Variants in EPHA7 observed in about 807,000 individuals in gnomAD.
EPHA7 encodes ephrin type-A receptor 7.
A neutral mutation model predicts 112.6 loss-of-function variants in EPHA7; 25 were observed. That is an observed-to-expected ratio of 0.22 (90% confidence interval 0.16 to 0.31). EPHA7 has a LOEUF of 0.31. Among genes scored for constraint, EPHA7 ranks in the 10% least tolerant of loss-of-function variants. The pLI, the probability that EPHA7 is intolerant of heterozygous loss-of-function variation, is 1.00. For synonymous variants in EPHA7, 437 were observed against 406.5 expected (o/e 1.07, Z -0.90); for missense variants, 962 against 1,212.6 (o/e 0.79, Z 3.07).
In EPHA7 at chr6:93,259,441, T is replaced by G. The variant is rs1282784862; in HGVS notation, c.1837A>C (p.Thr613Pro). 11 of 1,611,794 alleles carry G rather than the reference T, an allele frequency of 6.8e-6. No homozygotes were observed. The highest frequency in any genetic ancestry group is 9.3e-6 in the Non-Finnish European group (11 of 1,178,454). The change falls in exon 10 of 17, where the codon ACC becomes CCC. Residue 613 changes from threonine (T) to proline (P), a missense_variant. Around this residue, in one of 3 missense-constraint regions of EPHA7, gnomAD observed 746 missense variants for 889.2 expected, o/e 0.84. Transcript: ENST00000369303. ...PGTKTYIDPE[T>P]YEDPNRAVHQ... Reference sequence around the variant, plus strand: ...ACAGCTCTATTTGGGTCCTCATAGGTTTCAGGGTCAATGTAGGTTTTGGTG... The same window carrying G: ...ACAGCTCTATTTGGGTCCTCATAGGGTTCAGGGTCAATGTAGGTTTTGGTG...
At chr6:93,360,742 A>C (rs1776222071) in intron 3 of EPHA7, among the ~76,000 whole-genome samples, 1 of 152,112 alleles carries the variant, frequency 6.6e-6, no homozygotes, top group Non-Finnish European at 1.5e-5. Flanking sequence ...AATTACGTTG[A>C]ATTTTGTTAC....
rs1771931994 is a variant in EPHA7, at chr6:93,284,134, C to CA, written c.1325-11713dup. Among the ~76,000 whole-genome samples the CA allele has an allele frequency of 2.0e-5, 3 of 152,070 alleles. No individual in the cohort carries two copies. In the South Asian group the frequency reaches 6.2e-4, roughly 32 times the overall value. Reference sequence around the variant, plus strand: ...ATTATATTTTGGCTGCTATCAGTACCATAGTTGTTTCTATTTTATTCTATC... The same window carrying CA: ...ATTATATTTTGGCTGCTATCAGTACCAATAGTTGTTTCTATTTTATTCTATC... On this transcript the variant is annotated intron_variant, in intron 5 of 16. Coordinates refer to ENST00000369303, the MANE Select transcript of EPHA7 (RefSeq NM_004440.4).
At chr6:93,389,320 C>A (rs1312792987) in intron 3 of EPHA7, among the ~76,000 whole-genome samples, 2 of 152,028 alleles carry the variant, frequency 1.3e-5, no homozygotes, top group Non-Finnish European at 2.9e-5. Flanking sequence ...GTTCCATACA[C>A]AACCTCTTGA....
intron 3 of EPHA7, among the ~76,000 whole-genome samples, chr6:93,369,291 C>T (rs1776666818): frequency 6.6e-6 from 1 of 151,790 alleles, no homozygotes; most frequent in Admixed American, 6.6e-5. Flanking sequence ...TCTACTCCTT[C>T]ATAAGAGAAA....
Position 93,245,393 on chromosome 6 carries a change from T to G in EPHA7, c.2787A>C (p.Gly929=). 5 of 1,613,752 alleles carry G rather than the reference T, an allele frequency of 3.1e-6. No homozygotes were observed. The highest frequency in any genetic ancestry group is 4.2e-6 in the Non-Finnish European group (5 of 1,179,850). ...TPDFTTFCSV[G]EWLQAIKMER... is the part of the protein sequence containing the mutation. ...CCATCTTAATAGCTTGTAGCCATTCTCCAACTGAACAAAAGGTAGTGAAAT... is the reference window on the plus strand; with the variant it reads ...CCATCTTAATAGCTTGTAGCCATTCGCCAACTGAACAAAAGGTAGTGAAAT... The change falls in exon 16 of 17, where the codon GGA becomes GGC. Residue 929 remains glycine, a synonymous_variant. Coordinates refer to ENST00000369303, the MANE Select transcript of EPHA7 (RefSeq NM_004440.4).
intron 5 of EPHA7, among the ~76,000 whole-genome samples, chr6:93,344,867 T>A (rs1049664880): frequency 1.3e-5 from 2 of 151,572 alleles, no homozygotes; most frequent in Non-Finnish European, 3.0e-5. Flanking sequence ...CCTAACTATT[T>A]GTTTTCTCAA....
chr6:93,345,225 C>A (rs559920374), intron 5 of EPHA7, among the ~76,000 whole-genome samples: 2 of 151,718 alleles, frequency 1.3e-5, no homozygotes, highest in Non-Finnish European at 1.5e-5. Flanking sequence ...TCATCATATA[C>A]AATTTCCATT....
chr6:93,357,637 C>T (rs1200822273), intron 4 of EPHA7, among the ~76,000 whole-genome samples: 1 of 148,954 alleles, frequency 6.7e-6, no homozygotes, highest in African/African-American at 2.5e-5. Context: ...ATTTAATATC[C>T]ATGCAAGACC....
intron 5 of EPHA7, among the ~76,000 whole-genome samples, chr6:93,335,454 G>T (rs969958656): frequency 6.6e-6 from 1 of 151,920 alleles, no homozygotes; most frequent in African/African-American, 2.4e-5. Flanking sequence ...AATTCCAAAG[G>T]ATTTGTTAAA....
intron 5 of EPHA7, among the ~76,000 whole-genome samples, chr6:93,308,807 A>G (rs1773387150): frequency 6.6e-6 from 1 of 152,102 alleles, no homozygotes; most frequent in Admixed American, 6.5e-5. Context: ...TTTTAAAGGC[A>G]TCATTCCTAA....
At position 93,414,776 on chromosome 6, in the gene EPHA7, G is replaced by T. The variant is rs758111165; in HGVS notation, c.98-9C>A. 33 of 1,610,960 alleles carry T rather than the reference G, an allele frequency of 2.0e-5. No individual in the cohort carries two copies. In the African/African-American group the frequency reaches 3.7e-4, roughly 18 times the overall value. ...AGAATCCAGCAGTAGTACTGAAAAA[G>T]AAAGTTGTATTTCCATATGTTACAT... On this transcript the variant is annotated splice_polypyrimidine_tract_variant and intron_variant, in intron 1 of 16. Coordinates refer to ENST00000369303, the MANE Select transcript of EPHA7 (RefSeq NM_004440.4).
At chr6:93,266,595 T>C (rs1316132128) in intron 7 of EPHA7, among the ~76,000 whole-genome samples, 1 of 151,722 alleles carries the variant, frequency 6.6e-6, no homozygotes, top group East Asian at 1.9e-4. Context: ...GTAGATAGGA[T>C]ACTGCACAGA....
intron 5 of EPHA7, among the ~76,000 whole-genome samples, chr6:93,333,224 T>C (rs1198692742): frequency 6.6e-6 from 1 of 151,834 alleles, no homozygotes; most frequent in Admixed American, 6.6e-5. Flanking sequence ...CTCATTCTTT[T>C]TTAAGGCTAT....
intron 5 of EPHA7, among the ~76,000 whole-genome samples, chr6:93,308,544 A>G (rs1050482964): frequency 6.6e-6 from 1 of 152,116 alleles, no homozygotes; most frequent in Admixed American, 6.6e-5. Flanking sequence ...TGAGATGTAC[A>G]CAGAAAGGAA....
chr6:93,269,414 A>G, intron 7 of EPHA7, 63 bp downstream of exon 7: 1 of 1,419,818 alleles, frequency 7.0e-7, no homozygotes, highest in Middle Eastern at 1.9e-4. Context: ...CTCAATATTG[A>G]AAAAAATATT....
Position 93,388,570 on chromosome 6 carries a change from A to C in EPHA7, c.832+21931T>G, listed in dbSNP as rs1025347184. Reference sequence around the variant, plus strand: ...TGCTATTATTTTGTAGTAACCTATAATCTAATGGGGCACATTACAGTAAAG... The same window carrying C: ...TGCTATTATTTTGTAGTAACCTATACTCTAATGGGGCACATTACAGTAAAG... On this transcript the variant is annotated intron_variant, in intron 3 of 16. Coordinates refer to ENST00000369303, the MANE Select transcript of EPHA7 (RefSeq NM_004440.4). 2.6e-5 allele frequency among the ~76,000 whole-genome samples: 4 copies of C among 152,248 alleles called. No individual in the cohort carries two copies. In the South Asian group the frequency reaches 8.3e-4, roughly 32 times the overall value.
At chr6:93,287,828 A>AT (rs745489946) in intron 5 of EPHA7, among the ~76,000 whole-genome samples, 117 of 152,118 alleles carry the variant, frequency 7.7e-4, no homozygotes, top group Non-Finnish European at 9.4e-4. Flanking sequence ...CCATATGAAA[A>AT]GATGTTCATC....
Position 93,240,147 on chromosome 6 carries a change from C to T in EPHA7, c.*3279G>A, listed in dbSNP as rs896598216. The stretch of plus-strand genomic sequence containing the variant: ...AGACACTGTTCAAAAGCAGTTTGTC[C>T]TTATAAAAGGATGACCCCTGTAGTA... On this transcript the variant is annotated 3_prime_UTR_variant, in exon 17 of 17. Transcript: ENST00000369303. 34 of 224,020 alleles carry T rather than the reference C, an allele frequency of 1.5e-4. No individual in the cohort carries two copies. The highest frequency in any genetic ancestry group is 7.6e-4 in the African/African-American group (34 of 44,810). The allele number at this position is 224,020 out of a possible 1,614,324, so 13.9% of individuals were successfully genotyped here.
intron 3 of EPHA7, among the ~76,000 whole-genome samples, chr6:93,371,597 T>C (rs1454588129): frequency 6.6e-6 from 1 of 152,172 alleles, no homozygotes; most frequent in Non-Finnish European, 1.5e-5. Flanking sequence ...TTTAGAAATT[T>C]AGAAGTGAAG....
Sources: gnomAD v4.1 joint callset for allele counts (sites outside exome capture counted in the v4.1 genomes callset) on GRCh38, gnomAD v4.1.1 for gene constraint, gnomAD v4.1.1 regional missense constraint, MANE v1.5 for transcripts, NCBI Gene and HGNC (gene_info 2026-07-23, HGNC 2026-07-21) for gene names.